Variants in SPMIP2 observed in about 807,000 individuals in gnomAD.
SPMIP2 encodes sperm microtubule inner protein 2.
chr4:158,908,371 A>G, the SPMIP2 span, among the ~76,000 whole-genome samples: 7,467 of 152,280 alleles, frequency 0.049, 477 homozygotes, highest in African/African-American at 0.15. Flanking sequence ...CCTGTTTATA[A>G]TTAAGCAGAT....
chr4:159,068,549 T>C, the SPMIP2 span, among the ~76,000 whole-genome samples: 10 of 151,638 alleles, frequency 6.6e-5, no homozygotes, highest in African/African-American at 2.4e-4. Flanking sequence ...TTTGGAGATA[T>C]ACCTAATGCT....
At chr4:159,070,861 T>C in the SPMIP2 span, among the ~76,000 whole-genome samples, 3 of 152,198 alleles carry the variant, frequency 2.0e-5, no homozygotes, top group Non-Finnish European at 4.4e-5. Flanking sequence ...GTTTTATGAA[T>C]GTTTTAGAGG....
At chr4:158,946,795 T>TAG in the SPMIP2 span, among the ~76,000 whole-genome samples, 2 of 152,226 alleles carry the variant, frequency 1.3e-5, no homozygotes, top group African/African-American at 2.4e-5. Flanking sequence ...AATCATGTAT[T>TAG]AGGCTGTTTC....
the SPMIP2 span, among the ~76,000 whole-genome samples, chr4:158,933,459 C>T: frequency 6.6e-6 from 1 of 152,070 alleles, no homozygotes; most frequent in Non-Finnish European, 1.5e-5. Context: ...TTGCCTTTTC[C>T]TTTTGTTTCC....
At chr4:159,007,857 A>T in the SPMIP2 span, 2 of 540,934 alleles carry the variant, frequency 3.7e-6, no homozygotes, top group African/African-American at 3.8e-5. Context: ...GAAGGAAAAT[A>T]AATGACCTAT....
chr4:158,987,545 C>T, the SPMIP2 span, among the ~76,000 whole-genome samples: 139 of 152,080 alleles, frequency 9.1e-4, no homozygotes, highest in African/African-American at 2.1e-3. Flanking sequence ...AACCAAACAC[C>T]GCATGTTCTC....
At chr4:158,916,700 A>G in the SPMIP2 span, among the ~76,000 whole-genome samples, 3 of 152,086 alleles carry the variant, frequency 2.0e-5, no homozygotes, top group African/African-American at 4.8e-5. Flanking sequence ...CTGGAGTGCA[A>G]TGACACGATC....
the SPMIP2 span, among the ~76,000 whole-genome samples, chr4:158,980,336 C>T: frequency 6.6e-6 from 1 of 152,220 alleles, no homozygotes; most frequent in African/African-American, 2.4e-5. Context: ...GATCTCCCAG[C>T]ACAGCATTCG....
chr4:159,026,524 T>C, the SPMIP2 span: 1 of 596,058 alleles, frequency 1.7e-6, no homozygotes, highest in Non-Finnish European at 3.1e-6. Flanking sequence ...AAAAGTAGAA[T>C]AAAAATTTCA....
At chr4:158,973,983 CAAAA>C in the SPMIP2 span, among the ~76,000 whole-genome samples, 4 of 64,974 alleles carry the variant, frequency 6.2e-5, no homozygotes, top group African/African-American at 2.0e-4. Flanking sequence ...AAGGCCACCT[CAAAA>C]AAAAAAAAAA....
chr4:159,059,999 A>G, the SPMIP2 span, among the ~76,000 whole-genome samples: 1 of 152,198 alleles, frequency 6.6e-6, no homozygotes, highest in Admixed American at 6.5e-5. Flanking sequence ...AAGTCCCACC[A>G]GGCACTCAGG....
chr4:158,916,904 A>C, the SPMIP2 span, among the ~76,000 whole-genome samples: 23 of 152,216 alleles, frequency 1.5e-4, no homozygotes, highest in African/African-American at 5.3e-4. Context: ...TCAGCCTCCC[A>C]AAGTGCTGGG....
the SPMIP2 span, among the ~76,000 whole-genome samples, chr4:158,943,205 G>T: frequency 6.6e-6 from 1 of 152,032 alleles, no homozygotes; most frequent in Non-Finnish European, 1.5e-5. Flanking sequence ...TTTAATATCA[G>T]GCCTTTAAAG....
chr4:159,043,768 C>A, the SPMIP2 span, among the ~76,000 whole-genome samples: 138 of 152,266 alleles, frequency 9.1e-4, no homozygotes, highest in African/African-American at 3.0e-3. Flanking sequence ...TCCTCTTCAC[C>A]CAGCTTCCTG....
the SPMIP2 span, among the ~76,000 whole-genome samples, chr4:159,021,429 A>G: frequency 1.3e-5 from 2 of 152,340 alleles, no homozygotes; most frequent in East Asian, 1.9e-4. Flanking sequence ...GCTGGTGCTC[A>G]TGCCTCAGAG....
At chr4:159,019,171 C>T in the SPMIP2 span, among the ~76,000 whole-genome samples, 7 of 151,900 alleles carry the variant, frequency 4.6e-5, no homozygotes, top group Admixed American at 2.0e-4. Flanking sequence ...CCAAATAGAC[C>T]GCTTCACAAG....
the SPMIP2 span, among the ~76,000 whole-genome samples, chr4:158,925,188 G>T: frequency 6.6e-6 from 1 of 152,190 alleles, no homozygotes; most frequent in Non-Finnish European, 1.5e-5. Context: ...TTTGTGGGAA[G>T]TTTGTTGATT....
At chr4:158,933,238 G>A in the SPMIP2 span, among the ~76,000 whole-genome samples, 1 of 152,114 alleles carries the variant, frequency 6.6e-6, no homozygotes, top group African/African-American at 2.4e-5. Flanking sequence ...CAAGTGATCC[G>A]CCTGCCTTGG....
At chr4:158,922,582 C>T in the SPMIP2 span, among the ~76,000 whole-genome samples, 1 of 152,142 alleles carries the variant, frequency 6.6e-6, no homozygotes, top group East Asian at 1.9e-4. Flanking sequence ...TGTTTTAGGT[C>T]ACTTTTAAAT....
Sources: gnomAD v4.1 joint callset for allele counts (sites outside exome capture counted in the v4.1 genomes callset) on GRCh38, gnomAD v4.1.1 for gene constraint, MANE v1.5 for transcripts, NCBI Gene and HGNC (gene_info 2026-07-23, HGNC 2026-07-21) for gene names.